Variants in RPS18 observed in about 807,000 individuals in gnomAD.
RPS18 encodes the protein ribosomal protein S18.
For synonymous variants in RPS18, 64 were observed against 70.9 expected (o/e 0.90, Z 0.49); for missense variants, 49 against 200.8 (o/e 0.24, Z 4.57).
chr6:33,273,938 A>G (rs1765462016), intron 2 of RPS18, among the ~76,000 whole-genome samples: 1 of 151,900 alleles, frequency 6.6e-6, no homozygotes, highest in African/African-American at 2.4e-5. Context: ...GAATCAACCT[A>G]ATAATTTGAC....
In RPS18 at chr6:33,276,157, C is replaced by G. The variant is rs1326054440; in HGVS notation, c.292-19C>G. On this transcript the variant is annotated intron_variant, in intron 4 of 5. Transcript: ENST00000439602. ...AGGTCAGGGGATAAAACATCCCTTG[C>G]CCCCTCCTCTGAATCCAGGTCCTAG... 1 of 1,610,578 alleles carries G rather than the reference C, an allele frequency of 6.2e-7. No homozygotes were observed. Among genetic ancestry groups the G allele is most frequent in the Non-Finnish European group, 8.5e-7 (1 of 1,176,826 alleles).
Position 33,272,142 on chromosome 6 carries a change from C to T in RPS18, c.3+20C>T, listed in dbSNP as rs1014902071. ...GCCATGGTAAGACTGGAATCCGTGCCGTGATCCAGCGGCATCGCAGCTCGG... is the reference window on the plus strand; with the variant it reads ...GCCATGGTAAGACTGGAATCCGTGCTGTGATCCAGCGGCATCGCAGCTCGG... On this transcript the variant is annotated intron_variant, in intron 1 of 5. Coordinates refer to ENST00000439602, the MANE Select transcript of RPS18 (RefSeq NM_022551.3). 5.1e-6 allele frequency: 8 copies of T among 1,559,666 alleles called. No homozygotes were observed. Among genetic ancestry groups the T allele is most frequent in the Middle Eastern group, 1.7e-4 (1 of 6,022 alleles).
At chr6:33,276,106 A>AG (rs72654480) in intron 4 of RPS18, 40 bp downstream of exon 4, 29,706 of 1,605,384 alleles carry the variant, frequency 0.019, 422 homozygotes, top group Middle Eastern at 0.049. Flanking sequence ...GGAAGGGTGG[A>AG]GGGTCCTAAC....
chr6:33,272,597 C>A (rs765365397), intron 1 of RPS18, 31 bp from the exon 2 acceptor site: 1 of 936,656 alleles, frequency 1.1e-6, no homozygotes, highest in Non-Finnish European at 1.8e-6. Context: ...TTTACTGTGT[C>A]TGATTTCTTC....
chr6:33,272,597 C>T, intron 1 of RPS18, 31 bp from the exon 2 acceptor site: 1 of 936,658 alleles, frequency 1.1e-6, no homozygotes, highest in Non-Finnish European at 1.8e-6. Context: ...TTTACTGTGT[C>T]TGATTTCTTC....
At chr6:33,275,353 C>T (rs755512269) in intron 2 of RPS18, 28 of 171,986 alleles carry the variant, frequency 1.6e-4, no homozygotes, top group Admixed American at 8.0e-4. Context: ...CGGGGTCTCA[C>T]TGTCGCCCAG....
Position 33,272,109 on chromosome 6 carries a change from G to A in RPS18, c.-11G>A, listed in dbSNP as rs1269185431. ...ACAGGAGGCCTACACGCCGCCGCTT[G>A]TGCTGCAGCCATGGTAAGACTGGAA... On this transcript the variant is annotated 5_prime_UTR_variant, in exon 1 of 6. It adds an upstream start codon to the 5' untranslated region. Coordinates refer to ENST00000439602, the MANE Select transcript of RPS18 (RefSeq NM_022551.3). The A allele has an allele frequency of 3.8e-6, 6 of 1,568,010 alleles. No homozygotes were observed. Among genetic ancestry groups the A allele is most frequent in the African/African-American group, 2.7e-5 (2 of 73,882 alleles).
At chr6:33,274,090 G>A (rs1057426846) in intron 2 of RPS18, among the ~76,000 whole-genome samples, 2 of 152,136 alleles carry the variant, frequency 1.3e-5, no homozygotes, top group African/African-American at 4.8e-5. Context: ...GCTAATTTTT[G>A]TATTTTTAGA....
intron 2 of RPS18, among the ~76,000 whole-genome samples, chr6:33,272,935 G>A (rs1562591548): frequency 6.6e-6 from 1 of 152,160 alleles, no homozygotes; most frequent in African/African-American, 2.4e-5. Flanking sequence ...AGTGGTCTAA[G>A]GTCAAGCCAA....
chr6:33,275,390 C>T, intron 2 of RPS18: 1 of 198,608 alleles, frequency 5.0e-6, no homozygotes, highest in Non-Finnish European at 1.0e-5. Context: ...GTGATCTTGG[C>T]TTGCTGCAAC....
chr6:33,272,509 G>T, intron 1 of RPS18, 119 bp from the exon 2 acceptor site: 1 of 737,266 alleles, frequency 1.4e-6, no homozygotes, highest in South Asian at 1.5e-5. Context: ...ATGGGGGGCG[G>T]GTGTCTTGCC....
At chr6:33,274,965 C>T (rs1168245566) in intron 2 of RPS18, among the ~76,000 whole-genome samples, 1 of 152,130 alleles carries the variant, frequency 6.6e-6, no homozygotes, top group East Asian at 1.9e-4. Context: ...GCATTAGTTT[C>T]TTTTTATAAT....
At chr6:33,273,330 T>TA (rs1765385100) in intron 2 of RPS18, among the ~76,000 whole-genome samples, 1 of 152,218 alleles carries the variant, frequency 6.6e-6, no homozygotes, top group South Asian at 2.1e-4. Context: ...TTCACTTGAG[T>TA]ATTTCTCTCC....
At chr6:33,276,308 C>T (rs756014630) in intron 5 of RPS18, 41 bp downstream of exon 5, 83 of 1,602,786 alleles carry the variant, frequency 5.2e-5, no homozygotes, top group Non-Finnish European at 6.8e-5. Flanking sequence ...CTCGACTCAG[C>T]ATTCCTCCTA....
intron 1 of RPS18, 104 bp downstream of exon 1, chr6:33,272,226 T>C: frequency 7.8e-7 from 1 of 1,277,914 alleles, no homozygotes; most frequent in Non-Finnish European, 1.1e-6. Flanking sequence ...CCTGCGACTT[T>C]CTGTATGGAG....
intron 2 of RPS18, 62 bp downstream of exon 2, chr6:33,272,788 C>A: frequency 1.2e-6 from 1 of 857,562 alleles, no homozygotes; most frequent in Non-Finnish European, 2.0e-6. Context: ...AAGACATAAG[C>A]AAAAATGAAG....
chr6:33,276,361 G>T, intron 5 of RPS18, 30 bp from the exon 6 acceptor site: 1 of 1,612,160 alleles, frequency 6.2e-7, no homozygotes, highest in Non-Finnish European at 8.5e-7. Flanking sequence ...TGCTGTGCAT[G>T]ACCTGTGACT....
chr6:33,272,079 C>G lies in RPS18; in HGVS notation c.-41C>G, dbSNP rs777379041. The G allele has an allele frequency of 3.2e-6, 5 of 1,561,496 alleles. No individual in the cohort carries two copies. The South Asian group carries it at 4.7e-5, about 15-fold the overall frequency. On this transcript the variant is annotated 5_prime_UTR_variant, in exon 1 of 6. Transcript: ENST00000439602. ...TGATATCGCGTCACTTCCGCTCTCT[C>G]TTCCACAGGAGGCCTACACGCCGCC...
chr6:33,273,975 C>T (rs891791725), intron 2 of RPS18, among the ~76,000 whole-genome samples: 4 of 152,260 alleles, frequency 2.6e-5, no homozygotes, highest in South Asian at 2.1e-4. Flanking sequence ...TTATTTATCC[C>T]GAGACAGAGT....
Sources: allele counts gnomAD v4.1 joint callset (sites outside exome capture counted in the v4.1 genomes callset), GRCh38; gene constraint gnomAD v4.1.1; transcripts MANE v1.5; gene names NCBI Gene and HGNC (gene_info 2026-07-23, HGNC 2026-07-21).